CARS2: variants seen among roughly 807,000 people sequenced by gnomAD.
CARS2 encodes the protein probable cysteine--tRNA ligase, mitochondrial.
A neutral mutation model predicts 68.8 loss-of-function variants in CARS2; 52 were observed. The observed-to-expected ratio is 0.76, with a 90% CI of 0.61 to 0.95. The LOEUF (loss-of-function observed/expected upper bound fraction) is 0.95. Among genes scored for constraint, CARS2 ranks in the 40% least tolerant of loss-of-function variants. The pLI is 0.00. For synonymous variants in CARS2, 314 were observed against 303.6 expected (o/e 1.03, Z -0.36); for missense variants, 780 against 754.2 (o/e 1.03, Z -0.40).
chr13:110,682,040 GA>G (rs1322842542), intron 6 of CARS2, among the ~76,000 whole-genome samples: 6 of 152,026 alleles, frequency 3.9e-5, no homozygotes, highest in African/African-American at 7.2e-5. Context: ...ACACAGTGCC[GA>G]GAGTGAACCC....
chr13:110,705,594 T>C lies in CARS2; in HGVS notation c.225-23A>G, dbSNP rs776894533. 4 of 1,604,796 alleles carry C rather than the reference T, an allele frequency of 2.5e-6. No homozygotes were observed. In the East Asian group the frequency reaches 6.7e-5, roughly 27 times the overall value. ...TACCTGGAAACAAAGTTAAAATCCA[T>C]CGTGTGGAACATATTTGCAAGAAAG... On this transcript the variant is annotated intron_variant, in intron 1 of 14. Transcript: ENST00000257347. The surrounding 1 kb of genome is among the most constrained non-coding windows in gnomAD (Gnocchi z 4.0).
chr13:110,674,182 A>C lies in CARS2; in HGVS notation c.785+2792T>G, dbSNP rs1051244333. On this transcript the variant is annotated intron_variant, in intron 7 of 14. Transcript: ENST00000257347. ...TGCCATCCCTATCAAGCTACCAATG[A>C]CTTTTCTCACAGAATTGGAAAAAAC... 2.6e-5 allele frequency among the ~76,000 whole-genome samples: 4 copies of C among 152,288 alleles called. 1 individual carries two copies. In the South Asian group the frequency reaches 8.3e-4, roughly 32 times the overall value.
chr13:110,705,983 C>T lies in CARS2; in HGVS notation c.111G>A (p.Gly37=), dbSNP rs761383882. 1.0e-5 allele frequency: 15 copies of T among 1,506,618 alleles called. No individual in the cohort carries two copies. The highest frequency in any genetic ancestry group is 3.7e-5 in the South Asian group (3 of 80,230). The allele number at this position is 1,506,618 out of a possible 1,614,324, so 93.3% of individuals were successfully genotyped here. ...TGGGCTGCAGCCAGGCCCGCCCGCG[C>T]CCCCCGCTCGCCGCCCGGCCCGCAG... ...HWPAGRAASG[G]RGRAWLQPTG... Residue 37 remains glycine, a synonymous_variant, in exon 1 of 15, where the codon GGG becomes GGA. Coordinates refer to ENST00000257347, the MANE Select transcript of CARS2 (RefSeq NM_024537.4). The surrounding 1 kb of genome is among the most constrained non-coding windows in gnomAD (Gnocchi z 4.0).
intron 9 of CARS2, among the ~76,000 whole-genome samples, chr13:110,654,209 C>T (rs1474363961): frequency 1.3e-5 from 2 of 152,218 alleles, no homozygotes; most frequent in Non-Finnish European, 2.9e-5. Context: ...GAAGCAGGCA[C>T]CAGAGCCTCT....
chr13:110,641,971 G>GT (rs1416059411), intron 14 of CARS2, among the ~76,000 whole-genome samples: 2 of 152,242 alleles, frequency 1.3e-5, no homozygotes, highest in African/African-American at 2.4e-5. Flanking sequence ...GGAGGCTGAG[G>GT]TGGGAGGATC....
intron 9 of CARS2, among the ~76,000 whole-genome samples, chr13:110,652,489 T>G (rs424725): frequency 0.31 from 46,621 of 151,894 alleles, 8,356 homozygotes; most frequent in African/African-American, 0.48. Context: ...GCTTCAGGCT[T>G]CAGCGGCCTC....
At position 110,677,002 on chromosome 13, in the gene CARS2, A is replaced by G; in HGVS notation, c.757T>C (p.Trp253Arg). 3 of 1,598,912 alleles carry G rather than the reference A, an allele frequency of 1.9e-6. No homozygotes were observed. The highest frequency in any genetic ancestry group is 2.6e-6 in the Non-Finnish European group (3 of 1,169,202). Reference protein sequence around the residue: ...ASPWGPGRPGWHIECSAIASM... With the variant: ...ASPWGPGRPGRHIECSAIASM... ...GCGATGGCAGAGCACTCGATGTGCC[A>G]GCCCGGCCTCCCGGGTCCCCAGGGA... is the stretch of plus-strand genomic sequence containing the variant. The change falls in exon 7 of 15, where the codon TGG becomes CGG. Residue 253 changes from tryptophan to arginine, a missense_variant. Physicochemically the swap from Trp to Arg is moderately radical, Grantham distance 101 (BLOSUM62 -3). Coordinates refer to ENST00000257347, the MANE Select transcript of CARS2 (RefSeq NM_024537.4).
intron 6 of CARS2, among the ~76,000 whole-genome samples, chr13:110,679,679 G>GGAGA (rs2063099882): frequency 4.5e-5 from 6 of 133,596 alleles, no homozygotes; most frequent in Non-Finnish European, 6.5e-5. Context: ...AGGGAGGGAG[G>GGAGA]GAGGGAAAGG....
At chr13:110,685,116 G>C (rs895522978) in intron 5 of CARS2, among the ~76,000 whole-genome samples, 2 of 152,050 alleles carry the variant, frequency 1.3e-5, no homozygotes, top group African/African-American at 4.8e-5. Flanking sequence ...CTTATTTCAA[G>C]TTACACGACA....
intron 8 of CARS2, chr13:110,666,860 AT>A (rs1237268920): frequency 1.1e-5 from 11 of 985,324 alleles, no homozygotes; most frequent in Non-Finnish European, 1.3e-5. Context: ...ATCCAAGTGA[AT>A]TCCAAAACTG....
intron 9 of CARS2, among the ~76,000 whole-genome samples, chr13:110,662,614 T>C (rs1167442113): frequency 6.6e-6 from 1 of 152,238 alleles, no homozygotes. Flanking sequence ...AAAAAGATCC[T>C]ACACAGCAAA....
At chr13:110,704,102 T>C (rs1185645715) in intron 2 of CARS2, among the ~76,000 whole-genome samples, 2 of 152,198 alleles carry the variant, frequency 1.3e-5, no homozygotes, top group Non-Finnish European at 2.9e-5. Context: ...GAAAGAAATT[T>C]CTGTTGTTTA....
intron 1 of CARS2, chr13:110,712,653 G>C (rs766769247): frequency 9.7e-5 from 59 of 607,024 alleles, no homozygotes; most frequent in Admixed American, 3.6e-4. Flanking sequence ...GGGGAGGGCG[G>C]TCCGGGGAGC....
chr13:110,655,508 G>A (rs2062341726), intron 9 of CARS2, among the ~76,000 whole-genome samples: 1 of 152,148 alleles, frequency 6.6e-6, no homozygotes, highest in African/African-American at 2.4e-5. Flanking sequence ...TCAAGCAAGC[G>A]CAAAACTACA....
intron 14 of CARS2, among the ~76,000 whole-genome samples, 166 bp downstream of exon 14, chr13:110,642,149 G>A (rs1255993041): frequency 1.3e-5 from 2 of 152,206 alleles, no homozygotes; most frequent in East Asian, 3.8e-4. Flanking sequence ...AGAGGTTGTG[G>A]TGAGCCGAGA....
intron 3 of CARS2, among the ~76,000 whole-genome samples, chr13:110,694,094 C>A (rs1389156957): frequency 6.6e-5 from 10 of 152,006 alleles, no homozygotes. Context: ...ATGGTGCGAT[C>A]TCAGCTCACC....
At chr13:110,664,025 G>A (rs953671433) in intron 8 of CARS2, 1 of 985,234 alleles carries the variant, frequency 1.0e-6, no homozygotes, top group Non-Finnish European at 1.2e-6. Flanking sequence ...AGACTTTGAT[G>A]ACCTGGGTAT....
At chr13:110,666,627 T>C in intron 8 of CARS2, 1 of 985,442 alleles carries the variant, frequency 1.0e-6, no homozygotes, top group African/African-American at 1.7e-5. Flanking sequence ...GCACTTAATG[T>C]CACTTTACTG....
In CARS2 at chr13:110,668,144, C is replaced by A. The variant is rs987176723; in HGVS notation, c.786-671G>T. ...ACACCTCGCAGAGGTCCTTCCTGCT[C>A]CCACTGGTCTGGTTCCCTGTGCTCG... On this transcript the variant is annotated intron_variant, in intron 7 of 14. Transcript: ENST00000257347. This position sits in a 1 kb window ranked among gnomAD's most constrained non-coding sequence, Gnocchi z 4.1. Among the ~76,000 whole-genome samples, 3 of 152,236 alleles carry A rather than the reference C, an allele frequency of 2.0e-5. No homozygotes were observed. The highest frequency in any genetic ancestry group is 7.2e-5 in the African/African-American group (3 of 41,460).
Sources: allele counts gnomAD v4.1 joint callset (sites outside exome capture counted in the v4.1 genomes callset), GRCh38; gene constraint gnomAD v4.1.1; non-coding constraint Gnocchi (gnomAD v3.1); transcripts MANE v1.5; gene names NCBI Gene and HGNC (gene_info 2026-07-23, HGNC 2026-07-21).